Variants in CLN8 observed in about 807,000 individuals in gnomAD.
CLN8 encodes the protein CLN8 transmembrane ER and ERGIC protein.
A neutral mutation model predicts 15.7 loss-of-function variants in CLN8; 14 were observed. The observed-to-expected ratio is 0.89, with a 90% confidence interval of 0.59 to 1.39. The LOEUF (loss-of-function observed/expected upper bound fraction) is 1.39, where lower values mean the gene tolerates loss of function less well. CLN8 is among the 40% of genes most tolerant of loss of function. The pLI is 0.00. For missense variants in CLN8, 415 were observed against 364.0 expected, an observed-to-expected ratio of 1.14 and a Z score of -1.14; for synonymous variants, 188 against 151.0, an observed-to-expected ratio of 1.25 and a Z score of -1.80.
chr8:1,771,506 T>G lies in CLN8; in HGVS notation c.452T>G (p.Val151Gly), dbSNP rs752026391. ...FAFLGFLGCL[V>G]NLQAGHYLAM... The stretch of plus-strand genomic sequence containing the variant: ...TTTCTTGGGTTTCTTGGCTGCTTGG[T>G]CAATCTCCAAGCTGGCCACTATCTA... The change falls in exon 2 of 3, where the codon GTC becomes GGC. Residue 151 changes from valine to glycine, a missense_variant. Coordinates refer to ENST00000331222, the MANE Select transcript of CLN8 (RefSeq NM_018941.4). The G allele has an allele frequency of 1.2e-6, 2 of 1,614,156 alleles. No homozygotes were observed. The highest frequency in any genetic ancestry group is 2.2e-5 in the South Asian group (2 of 91,088).
chr8:1,774,859 C>A (rs951510943), intron 2 of CLN8, among the ~76,000 whole-genome samples: 1 of 152,138 alleles, frequency 6.6e-6, no homozygotes, highest in Non-Finnish European at 1.5e-5. Context: ...TAGTGGCACA[C>A]GTCTGTAGTA....
At chr8:1,769,041 G>T (rs960978349) in intron 1 of CLN8, among the ~76,000 whole-genome samples, 1 of 152,184 alleles carries the variant, frequency 6.6e-6, no homozygotes, top group Non-Finnish European at 1.5e-5. Context: ...TGACACGGGA[G>T]CCGTTTCTCT....
chr8:1,757,857 T>A (rs1388141740), intron 1 of CLN8, among the ~76,000 whole-genome samples: 2 of 152,192 alleles, frequency 1.3e-5, no homozygotes, highest in African/African-American at 4.8e-5. Flanking sequence ...GGGGTTATCA[T>A]TTTCAACAGG....
chr8:1,753,569 CAAA>C (rs71190758), upstream of CLN8, among the ~76,000 whole-genome samples: 2 of 102,618 alleles, frequency 1.9e-5, no homozygotes, highest in African/African-American at 7.7e-5. Context: ...GAAACTGTTT[CAAA>C]AAAAAAAAAA....
Position 1,781,715 on chromosome 8 carries a change from G to A in CLN8, c.*1148G>A, listed in dbSNP as rs1801717355. 6.6e-6 allele frequency: 1 copy of A among 152,134 alleles called. No homozygotes were observed. The highest frequency in any genetic ancestry group is 2.4e-5 in the African/African-American group (1 of 41,434). The allele number at this position is 152,134 out of a possible 1,614,324, so 9.4% of individuals were successfully genotyped here. The stretch of plus-strand genomic sequence containing the variant: ...AATCTAGACCCTAATTCTGTGGTTG[G>A]TGTTCCTCTGTAGATTTCAAGACAA... On this transcript the variant is annotated 3_prime_UTR_variant, in exon 3 of 3. Coordinates refer to ENST00000331222, the MANE Select transcript of CLN8 (RefSeq NM_018941.4).
Position 1,780,913 on chromosome 8 carries a change from C to T in CLN8, c.*346C>T, listed in dbSNP as rs1370132353. 7 of 389,934 alleles carry T rather than the reference C, an allele frequency of 1.8e-5. No homozygotes were observed. The highest frequency in any genetic ancestry group is 3.3e-5 in the Non-Finnish European group (7 of 213,908). The allele number at this position is 389,934 out of a possible 1,614,324, so 24.2% of individuals were successfully genotyped here. A position where few individuals can be genotyped will look rare whatever the true frequency, so the allele number is the denominator to read the frequency against. ...AATGGCTTCATAGTGAAGTGCCTCC[C>T]ACAGGGCGGGTGGGTCAGCGTTGAC... On this transcript the variant is annotated 3_prime_UTR_variant, in exon 3 of 3. Coordinates refer to ENST00000331222, the MANE Select transcript of CLN8 (RefSeq NM_018941.4).
upstream of CLN8, among the ~76,000 whole-genome samples, chr8:1,755,618 C>T (rs868683016): frequency 1.1e-4 from 17 of 152,204 alleles, no homozygotes; most frequent in African/African-American, 3.4e-4. Context: ...CCGGTCTGCC[C>T]AGAGGGCTGG....
chr8:1,772,673 T>A (rs1451586185), intron 2 of CLN8, among the ~76,000 whole-genome samples: 2 of 151,990 alleles, frequency 1.3e-5, no homozygotes, highest in Non-Finnish European at 2.9e-5. Context: ...AGAGACGGAG[T>A]TTCACTGTGT....
At chr8:1,757,216 G>T (rs140579110) in intron 1 of CLN8, among the ~76,000 whole-genome samples, 1 of 152,184 alleles carries the variant, frequency 6.6e-6, no homozygotes, top group Admixed American at 6.5e-5. Context: ...GGCCATTGCC[G>T]TGGGGCTGCC....
chr8:1,775,334 G>A (rs1464133744), intron 2 of CLN8, among the ~76,000 whole-genome samples: 1 of 152,148 alleles, frequency 6.6e-6, no homozygotes, highest in African/African-American at 2.4e-5. Flanking sequence ...TCTGCAGGGA[G>A]CCCAGGAACC....
At chr8:1,754,948 C>G (rs1184876390), upstream of CLN8, among the ~76,000 whole-genome samples, 2 of 152,184 alleles carry the variant, frequency 1.3e-5, no homozygotes, top group African/African-American at 4.8e-5. Context: ...AGGAGCCTTG[C>G]TGCAAAGCTC....
chr8:1,754,961 G>A (rs1351720016), upstream of CLN8, among the ~76,000 whole-genome samples: 1 of 152,176 alleles, frequency 6.6e-6, no homozygotes, highest in Non-Finnish European at 1.5e-5. Context: ...CAAAGCTCCA[G>A]AACCCCTTCC....
chr8:1,777,913 A>G (rs1801577926), intron 2 of CLN8, among the ~76,000 whole-genome samples: 1 of 152,264 alleles, frequency 6.6e-6, no homozygotes, highest in Non-Finnish European at 1.5e-5. Flanking sequence ...AATGATAGGA[A>G]TTGTTCAGCT....
At chr8:1,763,950 G>T (rs1288319105) in intron 1 of CLN8, 65 bp downstream of exon 1, 2 of 148,038 alleles carry the variant, frequency 1.4e-5, no homozygotes, top group Non-Finnish European at 3.0e-5. Context: ...AGGTGAGCGC[G>T]CGGGGTGCCC....
At chr8:1,753,298 C>T (rs1298139445), upstream of CLN8, among the ~76,000 whole-genome samples, 10 of 116,418 alleles carry the variant, frequency 8.6e-5, no homozygotes, top group East Asian at 2.6e-4. Flanking sequence ...TGGCTGGGCG[C>T]GGTGGCTCAT....
At position 1,763,883 on chromosome 8, in the gene CLN8, C is replaced by T. The variant is rs113428006; in HGVS notation, c.-126C>T. 0.065 allele frequency: 9,868 copies of T among 152,076 alleles called. 441 individuals are homozygous for T. Among genetic ancestry groups the T allele is most frequent in the South Asian group, 0.19 (922 of 4,874 alleles). 9.4% of individuals were successfully genotyped at this position (152,076 alleles called of 1,614,324 possible). A position where few individuals can be genotyped will look rare whatever the true frequency, so the allele number is the denominator to read the frequency against. ...CAGGGAGCCCGGCTGAGTGGCAGCC[C>T]AGGTGAGCGCTCAGGGAGCCCGGGT... On this transcript the variant is annotated splice_region_variant and 5_prime_UTR_variant, in exon 1 of 3. Transcript: ENST00000331222.
intron 2 of CLN8, among the ~76,000 whole-genome samples, chr8:1,779,297 C>G (rs1459377249): frequency 6.6e-6 from 1 of 152,210 alleles, no homozygotes; most frequent in Non-Finnish European, 1.5e-5. Flanking sequence ...GACTAGATTG[C>G]AGTGGCACGA....
At chr8:1,767,145 A>T (rs1045515192) in intron 1 of CLN8, among the ~76,000 whole-genome samples, 3 of 152,190 alleles carry the variant, frequency 2.0e-5, no homozygotes, top group African/African-American at 7.2e-5. Context: ...TGGCTGGAGG[A>T]TGCTGGTTGG....
chr8:1,779,271 T>A (rs74621323), intron 2 of CLN8, among the ~76,000 whole-genome samples: 13,741 of 152,182 alleles, frequency 0.09, 676 homozygotes, highest in South Asian at 0.15. Context: ...TTTGAGACAG[T>A]CTTGCTCTTT....
Sources: allele counts gnomAD v4.1 joint callset (sites outside exome capture counted in the v4.1 genomes callset), GRCh38; gene constraint gnomAD v4.1.1; transcripts MANE v1.5; gene names NCBI Gene and HGNC (gene_info 2026-07-23, HGNC 2026-07-21).